Variants in BABAM2 observed in about 807,000 individuals in gnomAD.
BABAM2 encodes the protein BRISC and BRCA1-A complex member 2.
Under a neutral mutation model 54.7 loss-of-function variants are expected in BABAM2, and 31 were observed. That is an observed-to-expected ratio of 0.57 (90% CI 0.43 to 0.77). BABAM2 has a LOEUF of 0.77. BABAM2 is among the 30% of genes least tolerant of loss of function. The pLI is 0.00. For synonymous variants in BABAM2, 167 were observed against 162.9 expected, an observed-to-expected ratio of 1.03 and a Z score of -0.19; for missense variants, 364 against 455.8, an observed-to-expected ratio of 0.80 and a Z score of 1.83.
rs538791474 is a variant in BABAM2, at chr2:28,133,757, GA to G, written c.680+4383del. ...TTTTGGGTCTTGTCATCATATGTAG[GA>G]AAAAATATTGATTTGTTGTACCCTA... On this transcript the variant is annotated intron_variant, in intron 7 of 11. Transcript: ENST00000379624. Among the ~76,000 whole-genome samples, 6 of 152,222 alleles carry G rather than the reference GA, an allele frequency of 3.9e-5. No individual in the cohort carries two copies. In the South Asian group the frequency reaches 1.2e-3, roughly 32 times the overall value.
At chr2:28,201,144 C>A (rs1333717585) in intron 7 of BABAM2, among the ~76,000 whole-genome samples, 1 of 151,940 alleles carries the variant, frequency 6.6e-6, no homozygotes, top group Non-Finnish European at 1.5e-5. Flanking sequence ...TCCTGTGTTC[C>A]ATTTTTTAAA....
intron 7 of BABAM2, among the ~76,000 whole-genome samples, chr2:28,228,979 T>C (rs549087611): frequency 6.6e-6 from 1 of 152,232 alleles, no homozygotes; most frequent in African/African-American, 2.4e-5. Flanking sequence ...ATTTTTTAAA[T>C]GTAAAGTTCT....
chr2:28,308,987 G>GCCAC (rs1558519178), intron 11 of BABAM2: 1 of 152,172 alleles, frequency 6.6e-6, no homozygotes. Context: ...CTTTTAAAAC[G>GCCAC]CCACTAATTA....
chr2:28,020,401 T>G (rs1327433795), intron 4 of BABAM2, among the ~76,000 whole-genome samples: 1 of 152,184 alleles, frequency 6.6e-6, no homozygotes, highest in East Asian at 1.9e-4. Context: ...TACATATGCA[T>G]GTATATACAC....
At chr2:28,017,172 G>A (rs1295243848) in intron 4 of BABAM2, among the ~76,000 whole-genome samples, 1 of 152,166 alleles carries the variant, frequency 6.6e-6, no homozygotes, top group African/African-American at 2.4e-5. Context: ...TGATATATTA[G>A]AGGAATTATA....
chr2:27,900,781 C>T (rs1665724880), intron 2 of BABAM2, among the ~76,000 whole-genome samples: 3 of 152,234 alleles, frequency 2.0e-5, no homozygotes, highest in South Asian at 2.1e-4. Context: ...CGGTGGCTCA[C>T]GCCTGTAATC....
At chr2:28,148,943 C>T (rs1046492134) in intron 7 of BABAM2, among the ~76,000 whole-genome samples, 21 of 152,138 alleles carry the variant, frequency 1.4e-4, no homozygotes, top group Admixed American at 4.6e-4. Context: ...CCCAGTATCA[C>T]GCAGGAAAAG....
chr2:27,889,968 T>C (rs1573089566), upstream of BABAM2: 1 of 330,998 alleles, frequency 3.0e-6, no homozygotes, highest in Non-Finnish European at 5.5e-6. Flanking sequence ...GAAAGGTCTT[T>C]GGGGGCGCAA....
intron 10 of BABAM2, among the ~76,000 whole-genome samples, chr2:28,246,179 A>G (rs544070302): frequency 8.2e-4 from 125 of 152,302 alleles, no homozygotes; most frequent in African/African-American, 2.8e-3. Context: ...AAGCCCCACA[A>G]TCAAGGCCTC....
At chr2:28,257,729 T>G (rs1003521260) in intron 10 of BABAM2, among the ~76,000 whole-genome samples, 9 of 151,740 alleles carry the variant, frequency 5.9e-5, no homozygotes, top group Non-Finnish European at 1.3e-4. Flanking sequence ...ACAAAAAAAT[T>G]TAAAAATTAG....
At chr2:28,299,621 C>T (rs1161095781) in intron 11 of BABAM2, among the ~76,000 whole-genome samples, 5 of 152,102 alleles carry the variant, frequency 3.3e-5, no homozygotes, top group Admixed American at 3.3e-4. Flanking sequence ...GCATTGTGCT[C>T]AATGCTAGGA....
Position 28,026,862 on chromosome 2 carries a change from AG to A in BABAM2, c.495+1443del, listed in dbSNP as rs1429805521. Among the ~76,000 whole-genome samples the A allele has an allele frequency of 3.6e-3, 292 of 81,776 alleles. 17 individuals carry two copies. The East Asian group carries it at 0.063, about 18-fold the overall frequency. The allele number at this position is 81,776 out of a possible 152,430, so 53.6% of individuals were successfully genotyped here. A position where few individuals can be genotyped will look rare whatever the true frequency, so the allele number is the denominator to read the frequency against. ...TATATAAATATATATTTATATATATAGATATATATATTTATATATATATAGA... is the reference window on the plus strand; with the variant it reads ...TATATAAATATATATTTATATATATAATATATATATTTATATATATATAGA... On this transcript the variant is annotated intron_variant, in intron 5 of 11. Coordinates refer to ENST00000379624, the MANE Select transcript of BABAM2 (RefSeq NM_199191.3).
At chr2:27,982,200 G>A (rs1672055791) in intron 3 of BABAM2, among the ~76,000 whole-genome samples, 1 of 151,778 alleles carries the variant, frequency 6.6e-6, no homozygotes, top group African/African-American at 2.4e-5. Flanking sequence ...TTAAAATTGG[G>A]GTATTTGCCT....
intron 5 of BABAM2, among the ~76,000 whole-genome samples, chr2:28,040,291 A>ATTTTTTTTTTTTTTTTT (rs1204898070): frequency 4.8e-4 from 47 of 97,202 alleles, no homozygotes; most frequent in South Asian, 1.4e-3. Context: ...GAAAAACTGA[A>ATTTTTTTTTTTTTTTTT]TTCTTTTTTT....
At chr2:28,133,797 T>G (rs1670292443) in intron 7 of BABAM2, among the ~76,000 whole-genome samples, 1 of 152,200 alleles carries the variant, frequency 6.6e-6, no homozygotes, top group African/African-American at 2.4e-5. Flanking sequence ...AGACTACAAA[T>G]TAGACAATCC....
intron 5 of BABAM2, among the ~76,000 whole-genome samples, chr2:28,025,955 C>G (rs982342901): frequency 6.6e-6 from 1 of 152,002 alleles, no homozygotes; most frequent in Non-Finnish European, 1.5e-5. Flanking sequence ...CTTTTTTTCT[C>G]TCATGGTAAA....
At chr2:28,258,609 TCTTTTC>T (rs1684177138) in intron 10 of BABAM2, among the ~76,000 whole-genome samples, 1 of 89,290 alleles carries the variant, frequency 1.1e-5, no homozygotes, top group South Asian at 4.6e-4. Flanking sequence ...TTTTCTTTTT[TCTTTTC>T]TTTTTTTTTT....
chr2:28,277,525 G>T (rs1378282855), intron 10 of BABAM2, among the ~76,000 whole-genome samples: 1 of 152,178 alleles, frequency 6.6e-6, no homozygotes, highest in African/African-American at 2.4e-5. Context: ...ACATGGACAT[G>T]GTTGCAAAAG....
intron 6 of BABAM2, among the ~76,000 whole-genome samples, chr2:28,080,710 A>G (rs780145561): frequency 8.3e-4 from 126 of 152,346 alleles, no homozygotes; most frequent in Non-Finnish European, 1.5e-3. Flanking sequence ...AAAACCACTT[A>G]CAATTACCTT....
Sources: gnomAD v4.1 joint callset for allele counts (sites outside exome capture counted in the v4.1 genomes callset) on GRCh38, gnomAD v4.1.1 for gene constraint, MANE v1.5 for transcripts, NCBI Gene and HGNC (gene_info 2026-07-23, HGNC 2026-07-21) for gene names.